Variants in DIAPH3 observed in about 807,000 individuals in gnomAD.
DIAPH3 encodes diaphanous related formin 3.
In DIAPH3, 117 loss-of-function variants were observed where a neutral mutation model predicts 144.3. That is an observed-to-expected ratio of 0.81 (90% confidence interval 0.70 to 0.95). The LOEUF (loss-of-function observed/expected upper bound fraction) is 0.95. Ranked by LOEUF, DIAPH3 falls within the 40% of genes least tolerant of loss-of-function variation. The pLI, the probability that DIAPH3 is intolerant of heterozygous loss-of-function variation, is 0.00. For synonymous variants in DIAPH3, 519 were observed against 488.9 expected, an observed-to-expected ratio of 1.06 and a Z score of -0.81; for missense variants, 1,421 against 1,412.7, an observed-to-expected ratio of 1.01 and a Z score of -0.09.
At chr13:60,067,996 T>G (rs953782598) in intron 4 of DIAPH3, among the ~76,000 whole-genome samples, 1 of 152,190 alleles carries the variant, frequency 6.6e-6, no homozygotes, top group Non-Finnish European at 1.5e-5. Flanking sequence ...TTCTGCAGAT[T>G]TGCTTTTCTC....
chr13:59,811,056 A>G (rs2040446856), intron 24 of DIAPH3, 133 bp from the exon 25 acceptor site: 3 of 826,072 alleles, frequency 3.6e-6, no homozygotes, highest in Non-Finnish European at 5.6e-6. Flanking sequence ...TGTTAGTAAT[A>G]CAGTCTTCTA....
chr13:59,807,717 G>A (rs563811621), intron 25 of DIAPH3, among the ~76,000 whole-genome samples: 364 of 152,076 alleles, frequency 2.4e-3, no homozygotes, highest in Non-Finnish European at 3.8e-3. Flanking sequence ...TGCAGACCAT[G>A]TTTAGGAAGA....
At position 59,774,232 on chromosome 13, in the gene DIAPH3, G is replaced by A. The variant is rs1183752061; in HGVS notation, c.3276C>T (p.Leu1092=). 2.5e-6 allele frequency: 4 copies of A among 1,612,674 alleles called. No individual in the cohort carries two copies. In the South Asian group the frequency reaches 3.3e-5, roughly 13 times the overall value. The change falls in exon 27 of 28, where the codon CTC becomes CTT. Residue 1092 remains leucine, a synonymous_variant. Transcript: ENST00000400324. ...TPMPKDVRQS[L]SPMSQRPVLK... ...GAACAGGCCTCTGAGACATTGGACT[G>A]AGACTCTGCCGAACATCTGTTAAAA...
chr13:60,107,346 A>G (rs1448614830), intron 3 of DIAPH3, among the ~76,000 whole-genome samples: 3 of 152,138 alleles, frequency 2.0e-5, no homozygotes, highest in African/African-American at 7.2e-5. Flanking sequence ...GAAAAAAAGA[A>G]GATAAAAGCG....
At chr13:59,787,904 T>C (rs2039121198) in intron 25 of DIAPH3, among the ~76,000 whole-genome samples, 1 of 152,238 alleles carries the variant, frequency 6.6e-6, no homozygotes, top group East Asian at 1.9e-4. Flanking sequence ...GAGCTGCCTT[T>C]GTCCCTTCCA....
At chr13:60,070,567 G>A (rs1022558792) in intron 4 of DIAPH3, among the ~76,000 whole-genome samples, 6 of 152,164 alleles carry the variant, frequency 3.9e-5, no homozygotes, top group African/African-American at 1.4e-4. Flanking sequence ...GGGAAGAAGG[G>A]AGAAAATGCC....
At chr13:59,877,956 C>T (rs144503798) in intron 21 of DIAPH3, among the ~76,000 whole-genome samples, 1 of 152,216 alleles carries the variant, frequency 6.6e-6, no homozygotes, top group East Asian at 1.9e-4. Flanking sequence ...TCTAACTGCC[C>T]TCTCATAGCT....
chr13:59,987,417 T>C (rs1280919766), intron 12 of DIAPH3, among the ~76,000 whole-genome samples: 2 of 141,360 alleles, frequency 1.4e-5, no homozygotes. Flanking sequence ...ATGGCACATG[T>C]ATACATATGT....
intron 23 of DIAPH3, chr13:59,838,655 A>T (rs544260456): frequency 1.3e-5 from 2 of 152,342 alleles, no homozygotes; most frequent in Non-Finnish European, 2.9e-5. Context: ...AGGTATCTAA[A>T]TCACATCATG....
At chr13:59,746,253 TG>T (rs2036697474) in intron 27 of DIAPH3, among the ~76,000 whole-genome samples, 2 of 152,164 alleles carry the variant, frequency 1.3e-5, no homozygotes, top group African/African-American at 4.8e-5. Context: ...GACAGAGTCT[TG>T]CTCTGTGGCC....
intron 17 of DIAPH3, among the ~76,000 whole-genome samples, chr13:59,955,374 G>A (rs2140463101): frequency 6.6e-6 from 1 of 152,170 alleles, no homozygotes; most frequent in South Asian, 2.1e-4. Flanking sequence ...CAGTTCCCCT[G>A]CACACGGTCT....
intron 21 of DIAPH3, among the ~76,000 whole-genome samples, chr13:59,876,139 T>C (rs1176337394): frequency 2.0e-5 from 3 of 152,194 alleles, no homozygotes; most frequent in African/African-American, 4.8e-5. Flanking sequence ...CAAATATATA[T>C]GGAATTCCTT....
intron 24 of DIAPH3, among the ~76,000 whole-genome samples, chr13:59,818,156 C>T (rs190655481): frequency 2.6e-5 from 4 of 151,930 alleles, no homozygotes; most frequent in East Asian, 3.9e-4. Flanking sequence ...CACTGTTACA[C>T]GAGAGTTGCC....
At chr13:60,078,350 G>A (rs997090078) in intron 4 of DIAPH3, among the ~76,000 whole-genome samples, 2 of 152,122 alleles carry the variant, frequency 1.3e-5, no homozygotes, top group Non-Finnish European at 1.5e-5. Flanking sequence ...GAGCTGGTTT[G>A]TGGTATAAGA....
At chr13:59,812,262 ATCC>A in intron 24 of DIAPH3, among the ~76,000 whole-genome samples, 1 of 137,442 alleles carries the variant, frequency 7.3e-6, no homozygotes, top group Non-Finnish European at 1.6e-5. Context: ...CCATCCATCC[ATCC>A]ATCCATCCAT....
At chr13:59,732,075 C>G (rs2035916753) in intron 27 of DIAPH3, among the ~76,000 whole-genome samples, 1 of 152,016 alleles carries the variant, frequency 6.6e-6, no homozygotes, top group Non-Finnish European at 1.5e-5. Flanking sequence ...GAGTTAATCT[C>G]TTATTCTGAC....
At chr13:59,699,912 G>A (rs2034006332) in intron 27 of DIAPH3, among the ~76,000 whole-genome samples, 1 of 152,188 alleles carries the variant, frequency 6.6e-6, no homozygotes, top group South Asian at 2.1e-4. Flanking sequence ...TTCCCTGAGG[G>A]AGAGAGCTTG....
intron 5 of DIAPH3, among the ~76,000 whole-genome samples, chr13:60,026,676 A>G (rs950478171): frequency 6.6e-6 from 1 of 152,188 alleles, no homozygotes. Context: ...AACTTTTTTA[A>G]CCAACCAACC....
At chr13:60,092,582 C>G (rs1005918809) in intron 4 of DIAPH3, among the ~76,000 whole-genome samples, 1 of 151,878 alleles carries the variant, frequency 6.6e-6, no homozygotes, top group African/African-American at 2.4e-5. Flanking sequence ...ACCCGGGAGG[C>G]GGAGCTTGCA....
Sources: allele counts gnomAD v4.1 joint callset (sites outside exome capture counted in the v4.1 genomes callset), GRCh38; gene constraint gnomAD v4.1.1; transcripts MANE v1.5; gene names NCBI Gene and HGNC (gene_info 2026-07-23, HGNC 2026-07-21).